NTPCR: variants seen among roughly 807,000 people sequenced by gnomAD.
NTPCR encodes cancer-related nucleoside-triphosphatase.
Under a neutral mutation model 19.5 loss-of-function variants are expected in NTPCR, and 15 were observed. The observed-to-expected ratio is 0.77, with a 90% CI of 0.51 to 1.18. The LOEUF (loss-of-function observed/expected upper bound fraction) is 1.18, where lower values mean the gene tolerates loss of function less well. Among genes scored for constraint, NTPCR ranks in the 50% most tolerant of loss-of-function variants. The pLI is 0.00. For missense variants in NTPCR, 206 were observed against 240.4 expected, an observed-to-expected ratio of 0.86 and a Z score of 0.95; for synonymous variants, 90 against 95.8, an observed-to-expected ratio of 0.94 and a Z score of 0.36.
chr1:232,956,202 A>G lies in NTPCR; in HGVS notation c.198-145A>G, dbSNP rs1668506599. 4.7e-6 allele frequency: 3 copies of G among 644,564 alleles called. No homozygotes were observed. The East Asian group carries it at 8.2e-5, about 18-fold the overall frequency. The allele number at this position is 644,564 out of a possible 1,614,324, so 39.9% of individuals were successfully genotyped here. A position where few individuals can be genotyped will look rare whatever the true frequency, so the allele number is the denominator to read the frequency against. ...TGTTCAAAGCAGAGAAAACCTGATC[A>G]GCTTTACAGACCACCGCATTTTGTG... On this transcript the variant is annotated intron_variant, in intron 2 of 4. Coordinates refer to ENST00000366628, the MANE Select transcript of NTPCR (RefSeq NM_032324.3).
chr1:232,967,424 T>C (rs1171763250), intron 3 of NTPCR: 2 of 152,230 alleles, frequency 1.3e-5, no homozygotes. Context: ...TCCCCAATTC[T>C]GGACAGATTG....
chr1:232,952,947 G>C (rs1002945624), intron 1 of NTPCR, among the ~76,000 whole-genome samples: 1 of 152,148 alleles, frequency 6.6e-6, no homozygotes, highest in Admixed American at 6.5e-5. Context: ...GAGCAGGCCA[G>C]AAGAGCCAGG....
chr1:232,956,239 T>A, intron 2 of NTPCR, 108 bp from the exon 3 acceptor site: 1 of 758,850 alleles, frequency 1.3e-6, no homozygotes, highest in East Asian at 2.7e-5. Context: ...TGGTCATTTT[T>A]AAGGATGATT....
At chr1:232,968,381 ACTGCTGTACTGCTT>A (rs1270065314) in intron 3 of NTPCR, 1 of 152,222 alleles carries the variant, frequency 6.6e-6, no homozygotes, top group Non-Finnish European at 1.5e-5. Flanking sequence ...TCTGAAAAAC[ACTGCTGTACTGCTT>A]CCGTGCAATC....
rs962905448 is a variant in NTPCR, at chr1:232,983,118, G to A, written c.*4887G>A. ...TTACCATTTACTTTCCAAGGGGCAA[G>A]AGATTCTCTACAATACCCTTCCCCC... On this transcript the variant is annotated 3_prime_UTR_variant, in exon 5 of 5. Coordinates refer to ENST00000366628, the MANE Select transcript of NTPCR (RefSeq NM_032324.3). 1 of 151,956 alleles carries A rather than the reference G, an allele frequency of 6.6e-6. No individual in the cohort carries two copies. The highest frequency in any genetic ancestry group is 1.5e-5 in the Non-Finnish European group (1 of 68,006). The allele number at this position is 151,956 out of a possible 1,614,324, so 9.4% of individuals were successfully genotyped here. A position where few individuals can be genotyped will look rare whatever the true frequency, so the allele number is the denominator to read the frequency against.
chr1:232,955,733 A>G lies in NTPCR; in HGVS notation c.197+14A>G, dbSNP rs375009699. ...ATCGAGAGTTGGGTACTGATATTTC[A>G]TTTCTGTGGTGTTCTATTATCTAAG... is the stretch of plus-strand genomic sequence containing the variant. On this transcript the variant is annotated intron_variant, in intron 2 of 4. Coordinates refer to ENST00000366628, the MANE Select transcript of NTPCR (RefSeq NM_032324.3). 5.0e-6 allele frequency: 8 copies of G among 1,612,348 alleles called. No homozygotes were observed. Among genetic ancestry groups the G allele is most frequent in the Non-Finnish European group, 6.8e-6 (8 of 1,178,874 alleles).
In NTPCR at chr1:232,974,248, T is replaced by G. The variant is rs768927431; in HGVS notation, c.505-3915T>G. On this transcript the variant is annotated intron_variant, in intron 4 of 4. Transcript: ENST00000366628. The stretch of plus-strand genomic sequence containing the variant: ...AGAAGGAGGTGGTACATTTTCCAAG[T>G]GTTGAAACAACTGTCGACTCATAAT... Among the ~76,000 whole-genome samples the G allele has an allele frequency of 6.6e-5, 10 of 152,330 alleles. No homozygotes were observed. In the East Asian group the frequency reaches 1.9e-3, roughly 29 times the overall value.
At position 232,978,356 on chromosome 1, in the gene NTPCR, T is replaced by C; in HGVS notation, c.*125T>C. Reference sequence around the variant, plus strand: ...CCTTGTGGGCTTTTCTAGAGAAAACTCAACAGCTGTTTCCCATAAAATGTT... The same window carrying C: ...CCTTGTGGGCTTTTCTAGAGAAAACCCAACAGCTGTTTCCCATAAAATGTT... On this transcript the variant is annotated 3_prime_UTR_variant, in exon 5 of 5. Coordinates refer to ENST00000366628, the MANE Select transcript of NTPCR (RefSeq NM_032324.3). 1 of 695,742 alleles carries C rather than the reference T, an allele frequency of 1.4e-6. No individual in the cohort carries two copies. Among genetic ancestry groups the C allele is most frequent in the Non-Finnish European group, 2.5e-6 (1 of 406,402 alleles). The allele number at this position is 695,742 out of a possible 1,614,324, so 43.1% of individuals were successfully genotyped here.
intron 4 of NTPCR, among the ~76,000 whole-genome samples, chr1:232,972,858 C>CCAT (rs1489902156): frequency 1.3e-5 from 2 of 152,172 alleles, no homozygotes; most frequent in Non-Finnish European, 2.9e-5. Context: ...AGTACTTAGT[C>CCAT]CATCGTTTAG....
intron 1 of NTPCR, among the ~76,000 whole-genome samples, chr1:232,954,726 C>T (rs1668464273): frequency 6.6e-6 from 1 of 152,200 alleles, no homozygotes; most frequent in African/African-American, 2.4e-5. Context: ...CCAAAGTGTG[C>T]TAGAACAGTG....
intron 4 of NTPCR, among the ~76,000 whole-genome samples, chr1:232,972,730 A>T (rs1363282980): frequency 6.6e-6 from 1 of 152,234 alleles, no homozygotes; most frequent in Non-Finnish European, 1.5e-5. Flanking sequence ...CCTGGCCAAG[A>T]ACCTCATTTT....
At chr1:232,971,921 G>A (rs1440169394) in intron 4 of NTPCR, among the ~76,000 whole-genome samples, 1 of 152,190 alleles carries the variant, frequency 6.6e-6, no homozygotes, top group Admixed American at 6.5e-5. Context: ...GCAATGAATA[G>A]TGAAAGATCA....
chr1:232,974,952 C>T (rs1304068697), intron 4 of NTPCR, among the ~76,000 whole-genome samples: 1 of 152,176 alleles, frequency 6.6e-6, no homozygotes, highest in Non-Finnish European at 1.5e-5. Context: ...ATGGGTTCTT[C>T]AATAATTTGT....
intron 3 of NTPCR, among the ~76,000 whole-genome samples, chr1:232,958,436 G>C (rs1056903781): frequency 1.3e-5 from 2 of 152,336 alleles, no homozygotes; most frequent in South Asian, 4.1e-4. Context: ...GACATTCAGA[G>C]CTCAGCTGAA....
intron 3 of NTPCR, among the ~76,000 whole-genome samples, chr1:232,959,969 G>C (rs1001782143): frequency 6.6e-6 from 1 of 152,040 alleles, no homozygotes; most frequent in Non-Finnish European, 1.5e-5. Flanking sequence ...CCAGCTCTTT[G>C]GGAGTCTGAG....
At chr1:232,975,213 G>A (rs551990120) in intron 4 of NTPCR, among the ~76,000 whole-genome samples, 243 of 152,306 alleles carry the variant, frequency 1.6e-3, no homozygotes, top group Middle Eastern at 0.01. Flanking sequence ...CAGGCTGCTT[G>A]CATGCTACCT....
At position 232,969,978 on chromosome 1, in the gene NTPCR, A is replaced by G. The variant is rs765680141; in HGVS notation, c.364A>G (p.Ser122Gly). ...TGAGATTGGGAAGATGGAGCTCTTC[A>G]GTCAGCTTTTCATTCAAGCTGTTCG... ...IDEIGKMELF[S>G]QLFIQAVRQT... is the part of the protein sequence containing the mutation. The change falls in exon 4 of 5, where the codon AGT becomes GGT. Residue 122 changes from serine to glycine, a missense_variant. By Grantham distance (56) the Ser-to-Gly change is moderately conservative. Transcript: ENST00000366628. The G allele has an allele frequency of 6.2e-7, 1 of 1,613,980 alleles. No homozygotes were observed. The highest frequency in any genetic ancestry group is 8.5e-7 in the Non-Finnish European group (1 of 1,180,002).
At position 232,978,210 on chromosome 1, in the gene NTPCR, C is replaced by T. The variant is rs778224462; in HGVS notation, c.552C>T (p.Cys184=). ...RNHLLPDIVT[C]VQSSRK ...ACCTTCTGCCAGATATCGTGACGTG[C>T]GTGCAGAGCAGCAGGAAGTGAAGAC... The change falls in exon 5 of 5, where the codon TGC becomes TGT. Residue 184 remains cysteine, a synonymous_variant. Transcript: ENST00000366628. 12 of 1,613,988 alleles carry T rather than the reference C, an allele frequency of 7.4e-6. No homozygotes were observed. The highest frequency in any genetic ancestry group is 3.3e-5 in the South Asian group (3 of 91,074).
rs2102764462 is a variant in NTPCR at position 232,979,710 on chromosome 1, C to G, written c.*1479C>G. ...ATGTCTGGCAGGCTGGCTGTGACTT[C>G]CAGCCACCATCACCAGGACACCGGT... On this transcript the variant is annotated 3_prime_UTR_variant, in exon 5 of 5. Coordinates refer to ENST00000366628, the MANE Select transcript of NTPCR (RefSeq NM_032324.3). The surrounding 1 kb of genome is among the most constrained non-coding windows in gnomAD (Gnocchi z 5.3). The G allele has an allele frequency of 6.6e-6, 1 of 152,372 alleles. No individual in the cohort carries two copies. Among genetic ancestry groups the G allele is most frequent in the African/African-American group, 2.4e-5 (1 of 41,556 alleles). The allele number at this position is 152,372 out of a possible 1,614,324, so 9.4% of individuals were successfully genotyped here.
Sources: gnomAD v4.1 joint callset for allele counts (sites outside exome capture counted in the v4.1 genomes callset) on GRCh38, gnomAD v4.1.1 for gene constraint, Gnocchi (gnomAD v3.1) non-coding constraint, MANE v1.5 for transcripts, NCBI Gene and HGNC (gene_info 2026-07-23, HGNC 2026-07-21) for gene names.